Variants in STXBP3 observed in about 807,000 individuals in gnomAD.
The protein encoded by STXBP3 is syntaxin binding protein 3.
STXBP3 carries 41 observed loss-of-function variants against 85.7 expected under a neutral mutation model. The observed-to-expected ratio is 0.48, with a 90% confidence interval of 0.37 to 0.62. The LOEUF (loss-of-function observed/expected upper bound fraction) is 0.62, where lower values mean the gene tolerates loss of function less well. STXBP3 is among the 20% of genes least tolerant of loss of function. The pLI, the probability that STXBP3 is intolerant of heterozygous loss-of-function variation, is 0.00. For missense variants in STXBP3, 563 were observed against 703.1 expected (o/e 0.80, Z 2.25); for synonymous variants, 229 against 231.7 (o/e 0.99, Z 0.10).
intron 12 of STXBP3, among the ~76,000 whole-genome samples, chr1:108,794,543 C>T (rs1340367890): frequency 6.6e-6 from 1 of 152,242 alleles, no homozygotes; most frequent in African/African-American, 2.4e-5. Flanking sequence ...GGGAAAATCA[C>T]TCCCATCATC....
intron 7 of STXBP3, among the ~76,000 whole-genome samples, chr1:108,773,277 A>T (rs963811460): frequency 1.3e-5 from 2 of 152,262 alleles, no homozygotes; most frequent in Non-Finnish European, 2.9e-5. Flanking sequence ...ACCTTGACTT[A>T]TATACTTCTT....
intron 6 of STXBP3, among the ~76,000 whole-genome samples, chr1:108,764,672 C>T (rs1161944495): frequency 6.6e-6 from 1 of 152,130 alleles, no homozygotes; most frequent in African/African-American, 2.4e-5. Flanking sequence ...TTTTCATATG[C>T]TTGTGGGTCA....
chr1:108,753,090 A>G lies in STXBP3; in HGVS notation c.127A>G (p.Lys43Glu), dbSNP rs1164492964. ...AATGCTTTTAGATGAATTTACCACT[A>G]AGCTTTTGGCATCGTGTTGCAAAAT... ...KIMLLDEFTTKLLASCCKMTD... is the reference protein window; with the variant it reads ...KIMLLDEFTTELLASCCKMTD... The change falls in exon 3 of 19, where the codon AAG becomes GAG. Residue 43 changes from lysine to glutamate, a missense_variant. Lys to Glu is a moderately conservative substitution (Grantham distance 56). Around this residue, in one of 3 missense-constraint regions of STXBP3, gnomAD observed 32 missense variants for 70.6 expected, o/e 0.45. Coordinates refer to ENST00000370008, the MANE Select transcript of STXBP3 (RefSeq NM_007269.4). The G allele has an allele frequency of 2.5e-6, 4 of 1,587,170 alleles. No individual in the cohort carries two copies. Among genetic ancestry groups the G allele is most frequent in the South Asian group, 1.2e-5 (1 of 86,260 alleles).
At chr1:108,791,513 A>G (rs1195159506) in intron 11 of STXBP3, among the ~76,000 whole-genome samples, 1 of 150,194 alleles carries the variant, frequency 6.7e-6, no homozygotes, top group Non-Finnish European at 1.5e-5. Context: ...TGTATTCTAT[A>G]TCTCTTGCAT....
chr1:108,785,067 A>G (rs1473659317), intron 11 of STXBP3, among the ~76,000 whole-genome samples: 1 of 152,138 alleles, frequency 6.6e-6, no homozygotes, highest in African/African-American at 2.4e-5. Flanking sequence ...TTCCAGGCAC[A>G]TGTTGCAAGC....
intron 8 of STXBP3, among the ~76,000 whole-genome samples, chr1:108,777,212 T>C (rs1230488014): frequency 3.3e-5 from 5 of 152,060 alleles, no homozygotes; most frequent in Non-Finnish European, 7.4e-5. Context: ...CAATACTGTG[T>C]AATAAGTGGA....
At chr1:108,763,005 G>A (rs566527790) in intron 6 of STXBP3, among the ~76,000 whole-genome samples, 21 of 152,102 alleles carry the variant, frequency 1.4e-4, no homozygotes, top group Non-Finnish European at 2.8e-4. Flanking sequence ...CAGCATCCTG[G>A]GACAGGTTAG....
At chr1:108,798,007 A>C in intron 15 of STXBP3, 138 bp from the exon 16 acceptor site, 1 of 663,358 alleles carries the variant, frequency 1.5e-6, no homozygotes, top group Non-Finnish European at 2.5e-6. Flanking sequence ...TTTTTAAAAT[A>C]GGCATCTCCA....
intron 17 of STXBP3, 148 bp downstream of exon 17, chr1:108,800,453 A>G (rs1235525890): frequency 3.5e-6 from 2 of 571,534 alleles, no homozygotes; most frequent in Non-Finnish European, 6.1e-6. Context: ...AAATGAATCC[A>G]GATAAGCAAT....
intron 1 of STXBP3, among the ~76,000 whole-genome samples, chr1:108,751,748 T>C (rs556232603): frequency 6.7e-6 from 1 of 149,124 alleles, no homozygotes; most frequent in East Asian, 1.9e-4. Flanking sequence ...TTGAAAGTCA[T>C]TGTAAGGAAC....
intron 6 of STXBP3, among the ~76,000 whole-genome samples, chr1:108,763,387 A>G (rs1052392029): frequency 4.6e-5 from 7 of 152,186 alleles, no homozygotes; most frequent in Admixed American, 2.6e-4. Context: ...GCTCTAGGGA[A>G]AATTCTGTGG....
chr1:108,764,469 C>G (rs1167575538), intron 6 of STXBP3, among the ~76,000 whole-genome samples: 1 of 152,224 alleles, frequency 6.6e-6, no homozygotes, highest in Non-Finnish European at 1.5e-5. Context: ...TGAGGAATCA[C>G]CACACTGTCT....
chr1:108,789,835 G>A (rs1294093908), intron 11 of STXBP3, among the ~76,000 whole-genome samples: 1 of 152,022 alleles, frequency 6.6e-6, no homozygotes, highest in Non-Finnish European at 1.5e-5. Flanking sequence ...AGTGGCCAAG[G>A]CAGGCGAATC....
intron 2 of STXBP3, among the ~76,000 whole-genome samples, chr1:108,752,520 C>G (rs571465729): frequency 6.6e-6 from 1 of 152,250 alleles, no homozygotes; most frequent in African/African-American, 2.4e-5. Context: ...TTGGTATACA[C>G]AGGGGTCCTC....
intron 6 of STXBP3, among the ~76,000 whole-genome samples, chr1:108,772,306 CAT>C (rs1413840656): frequency 4.1e-5 from 2 of 48,438 alleles, no homozygotes; most frequent in East Asian, 2.8e-4. Flanking sequence ...ATATCTGTAT[CAT>C]ATATAAATAC....
At chr1:108,804,662 T>A (rs551804521) in intron 17 of STXBP3, among the ~76,000 whole-genome samples, 7 of 152,364 alleles carry the variant, frequency 4.6e-5, no homozygotes, top group African/African-American at 1.7e-4. Context: ...GGTTTTTTCT[T>A]TTTTGTATTA....
At chr1:108,767,056 G>T in intron 6 of STXBP3, 2 of 390,216 alleles carry the variant, frequency 5.1e-6, no homozygotes, top group South Asian at 2.1e-5. Flanking sequence ...TGTACTCCAA[G>T]GAGATTGCAG....
At chr1:108,753,205 A>T in intron 3 of STXBP3, 61 bp downstream of exon 3, 1 of 1,232,682 alleles carries the variant, frequency 8.1e-7, no homozygotes, top group Non-Finnish European at 1.1e-6. Context: ...CTGAGGTATT[A>T]AATTTTAGTT....
intron 9 of STXBP3, chr1:108,779,720 A>G (rs201561776): frequency 3.3e-5 from 1 of 29,980 alleles, no homozygotes; most frequent in Non-Finnish European, 5.0e-5. Context: ...CAGGCTCACT[A>G]TCATTGAAGG....
Sources: gnomAD v4.1 joint callset for allele counts (sites outside exome capture counted in the v4.1 genomes callset) on GRCh38, gnomAD v4.1.1 for gene constraint, gnomAD v4.1.1 regional missense constraint, MANE v1.5 for transcripts, NCBI Gene and HGNC (gene_info 2026-07-23, HGNC 2026-07-21) for gene names.